The following AGAP1 variants were observed in gnomAD, a reference collection of about 807,000 sequenced individuals.
AGAP1 encodes the protein arf-GAP with GTPase, ANK repeat and PH domain-containing protein 1.
A neutral mutation model predicts 105.3 loss-of-function variants in AGAP1; 29 were observed. The observed-to-expected ratio is 0.28, with a 90% CI of 0.21 to 0.38. AGAP1 has a LOEUF of 0.38. AGAP1 is among the 10% of genes least tolerant of loss of function. The probability of loss-of-function intolerance (pLI) is 1.00; values close to 1 mark genes in which losing one functional copy is unlikely to be tolerated. For missense variants in AGAP1, 998 were observed against 1,165.1 expected (o/e 0.86, Z 2.09); for synonymous variants, 509 against 485.9 (o/e 1.05, Z -0.63).
chr2:235,604,571 T>A, intron 1 of AGAP1, among the ~76,000 whole-genome samples: 1 of 126,238 alleles, frequency 7.9e-6, no homozygotes, highest in Non-Finnish European at 1.6e-5. Flanking sequence ...ATTTTTATTA[T>A]CTTTTTTTTT....
At chr2:235,932,030 G>A (rs966289075) in intron 12 of AGAP1, among the ~76,000 whole-genome samples, 34 of 152,340 alleles carry the variant, frequency 2.2e-4, no homozygotes, top group African/African-American at 8.2e-4. Context: ...GCTTCTTCAA[G>A]GGCTCTCTAA....
At chr2:235,885,344 C>G (rs147736632) in intron 10 of AGAP1, among the ~76,000 whole-genome samples, 35 of 152,146 alleles carry the variant, frequency 2.3e-4, no homozygotes, top group African/African-American at 7.7e-4. Context: ...ATTGATCCCA[C>G]GGTATCTGAA....
Position 235,875,344 on chromosome 2 carries a change from A to T in AGAP1, c.1051-8001A>T, listed in dbSNP as rs1289075042. 1.3e-5 allele frequency among the ~76,000 whole-genome samples: 2 copies of T among 152,094 alleles called. No homozygotes were observed. Among genetic ancestry groups the T allele is most frequent in the African/African-American group, 4.8e-5 (2 of 41,424 alleles). ...CACTTTGGGTTCCTGAGATCTTAGG[A>T]TAAAAGCCCACCGAGGTGCGAGTCT... On this transcript the variant is annotated intron_variant, in intron 9 of 17. Transcript: ENST00000304032. This position sits in a 1 kb window ranked among gnomAD's most constrained non-coding sequence, Gnocchi z 4.0.
chr2:235,818,585 G>T (rs1342666452), intron 9 of AGAP1, among the ~76,000 whole-genome samples: 1 of 152,184 alleles, frequency 6.6e-6, no homozygotes, highest in Non-Finnish European at 1.5e-5. Flanking sequence ...TGGGATTACA[G>T]GCATGGGCCA....
At chr2:235,682,352 G>A (rs892604777) in intron 1 of AGAP1, among the ~76,000 whole-genome samples, 1 of 151,164 alleles carries the variant, frequency 6.6e-6, no homozygotes, top group African/African-American at 2.4e-5. Context: ...GTTTTGTTTT[G>A]TTTTGTTTGA....
At chr2:235,921,177 T>C (rs1487700120) in intron 11 of AGAP1, among the ~76,000 whole-genome samples, 1 of 152,156 alleles carries the variant, frequency 6.6e-6, no homozygotes, top group Non-Finnish European at 1.5e-5. Context: ...AGCCAGAAAT[T>C]GGAAACAACC....
chr2:235,671,076 G>A (rs1948391819), intron 1 of AGAP1: 3 of 1,262,390 alleles, frequency 2.4e-6, no homozygotes, highest in South Asian at 3.0e-5. Context: ...CGTGGCCGGG[G>A]GTCCCGGGAC....
chr2:236,103,209 C>T (rs974682558), intron 16 of AGAP1, among the ~76,000 whole-genome samples: 1 of 152,210 alleles, frequency 6.6e-6, no homozygotes, highest in Non-Finnish European at 1.5e-5. Context: ...CCGGCCTCAC[C>T]TCCGCCCACT....
chr2:236,003,164 C>T lies in AGAP1; in HGVS notation c.1646-33397C>T, dbSNP rs962170382. On this transcript the variant is annotated intron_variant, in intron 13 of 17. Transcript: ENST00000304032. This position sits in a 1 kb window ranked among gnomAD's most constrained non-coding sequence, Gnocchi z 4.2. ...GGTTCAAGCAGTTCTTGTGCCTCAA[C>T]CCCCCAAGTAGCTGGGACTACAGGC... Among the ~76,000 whole-genome samples the T allele has an allele frequency of 6.6e-6, 1 of 152,176 alleles. No homozygotes were observed. Among genetic ancestry groups the T allele is most frequent in the Non-Finnish European group, 1.5e-5 (1 of 68,038 alleles).
intron 1 of AGAP1, among the ~76,000 whole-genome samples, chr2:235,589,007 A>G (rs1449723911): frequency 6.6e-6 from 1 of 151,988 alleles, no homozygotes; most frequent in East Asian, 1.9e-4. Flanking sequence ...ATCGAAATAC[A>G]ACTGTGTTTT....
At chr2:236,032,213 T>C (rs2057245229) in intron 13 of AGAP1, among the ~76,000 whole-genome samples, 2 of 152,208 alleles carry the variant, frequency 1.3e-5, no homozygotes, top group South Asian at 4.1e-4. Flanking sequence ...ATCCAAGTCA[T>C]TGATAAAACA....
intron 3 of AGAP1, among the ~76,000 whole-genome samples, chr2:235,731,279 G>A (rs968442598): frequency 2.6e-5 from 4 of 152,162 alleles, no homozygotes; most frequent in East Asian, 1.9e-4. Flanking sequence ...CAGCAGATGC[G>A]TTCCCCTTTG....
At chr2:235,693,094 A>G (rs1949817570) in intron 1 of AGAP1, among the ~76,000 whole-genome samples, 1 of 152,128 alleles carries the variant, frequency 6.6e-6, no homozygotes, top group South Asian at 2.1e-4. Flanking sequence ...AAGGCCATGC[A>G]GAGGCTGACT....
chr2:235,828,237 C>T (rs559081734), intron 9 of AGAP1, among the ~76,000 whole-genome samples: 50 of 152,228 alleles, frequency 3.3e-4, no homozygotes, highest in Admixed American at 8.5e-4. Flanking sequence ...TGCACTAGGC[C>T]GACCCCTTTC....
intron 3 of AGAP1, among the ~76,000 whole-genome samples, chr2:235,718,967 C>T (rs1251343478): frequency 1.3e-5 from 2 of 152,290 alleles, no homozygotes; most frequent in African/African-American, 2.4e-5. Flanking sequence ...GAATTTTAGC[C>T]ACGGCCAGCT....
chr2:235,984,302 C>CTT (rs1465723150), intron 13 of AGAP1, among the ~76,000 whole-genome samples: 1 of 152,098 alleles, frequency 6.6e-6, no homozygotes, highest in Non-Finnish European at 1.5e-5. Flanking sequence ...TTGACAGACA[C>CTT]TTGGATTGTT....
chr2:235,559,354 C>T lies in AGAP1; in HGVS notation c.163+64505C>T, dbSNP rs573399652. On this transcript the variant is annotated intron_variant, in intron 1 of 17. Transcript: ENST00000304032. The surrounding 1 kb of genome is among the most constrained non-coding windows in gnomAD (Gnocchi z 5.7). ...CAAGTGCTGATGTTTTGTACTTGAT[C>T]GGCTTCTCTGTGGCAAGCCAGAGGC... Among the ~76,000 whole-genome samples the T allele has an allele frequency of 2.0e-5, 3 of 152,186 alleles. No individual in the cohort carries two copies. The highest frequency in any genetic ancestry group is 7.2e-5 in the African/African-American group (3 of 41,438).
chr2:235,586,672 G>C lies in AGAP1; in HGVS notation c.163+91823G>C, dbSNP rs1945122854. Reference sequence around the variant, plus strand: ...TTTCCAACTTGGGTTGTCAGAGTGAGACTGTGCAGGACTGCCCCGTACAGT... The same window carrying C: ...TTTCCAACTTGGGTTGTCAGAGTGACACTGTGCAGGACTGCCCCGTACAGT... On this transcript the variant is annotated intron_variant, in intron 1 of 17. Transcript: ENST00000304032. The surrounding 1 kb of genome is among the most constrained non-coding windows in gnomAD (Gnocchi z 4.2). Among the ~76,000 whole-genome samples the C allele has an allele frequency of 6.6e-6, 1 of 152,194 alleles. No individual in the cohort carries two copies. Among genetic ancestry groups the C allele is most frequent in the African/African-American group, 2.4e-5 (1 of 41,440 alleles).
Position 236,022,565 on chromosome 2 carries a change from C to T in AGAP1, c.1646-13996C>T, listed in dbSNP as rs367712080. Among the ~76,000 whole-genome samples the T allele has an allele frequency of 2.6e-5, 4 of 152,152 alleles. No individual in the cohort carries two copies. In the East Asian group the frequency reaches 5.8e-4, roughly 22 times the overall value. Reference sequence around the variant, plus strand: ...TCTTTTATTTTTGGACAGAGAGTCTCACTCTGTTGCCCAGGCTGGAGTGCA... The same window carrying T: ...TCTTTTATTTTTGGACAGAGAGTCTTACTCTGTTGCCCAGGCTGGAGTGCA... On this transcript the variant is annotated intron_variant, in intron 13 of 17. Transcript: ENST00000304032.
Sources: gnomAD v4.1 joint callset for allele counts (sites outside exome capture counted in the v4.1 genomes callset) on GRCh38, gnomAD v4.1.1 for gene constraint, Gnocchi (gnomAD v3.1) non-coding constraint, MANE v1.5 for transcripts, NCBI Gene and HGNC (gene_info 2026-07-23, HGNC 2026-07-21) for gene names.